Variants in FUT8 observed in about 807,000 individuals in gnomAD.
FUT8 encodes the protein alpha-(1,6)-fucosyltransferase.
In FUT8, 29 loss-of-function variants were observed where a neutral mutation model predicts 71.3. The ratio of observed to expected loss-of-function variants is 0.41; its 90% CI spans 0.30 to 0.55. The LOEUF is 0.55. Among genes scored for constraint, FUT8 ranks in the 20% least tolerant of loss-of-function variants. FUT8 has a pLI of 0.34. For synonymous variants in FUT8, 254 were observed against 239.3 expected (o/e 1.06, Z -0.57); for missense variants, 544 against 702.1 (o/e 0.77, Z 2.55).
intron 3 of FUT8, among the ~76,000 whole-genome samples, chr14:65,606,858 T>G (rs1036145077): frequency 6.6e-6 from 1 of 151,936 alleles, no homozygotes; most frequent in Non-Finnish European, 1.5e-5. Context: ...TAGAATTGTA[T>G]TTAATTTATA....
chr14:65,656,520 A>T (rs1360546488), intron 6 of FUT8, among the ~76,000 whole-genome samples: 1 of 152,238 alleles, frequency 6.6e-6, no homozygotes, highest in African/African-American at 2.4e-5. Flanking sequence ...ATGTTCATGG[A>T]TTGGAAGAAT....
At chr14:65,671,420 A>G (rs566246779) in intron 7 of FUT8, among the ~76,000 whole-genome samples, 55 of 152,284 alleles carry the variant, frequency 3.6e-4, no homozygotes, top group African/African-American at 1.1e-3. Context: ...AGGATGTAGA[A>G]AGCATCCTTT....
At chr14:65,717,169 T>C (rs189708180) in intron 7 of FUT8, among the ~76,000 whole-genome samples, 545 of 18,736 alleles carry the variant, frequency 0.029, no homozygotes, top group Admixed American at 0.04. Flanking sequence ...CAGAGGCGCT[T>C]CTCACCTCCC....
chr14:65,525,605 T>G (rs545374852), intron 2 of FUT8, among the ~76,000 whole-genome samples: 5 of 152,230 alleles, frequency 3.3e-5, no homozygotes, highest in Non-Finnish European at 7.4e-5. Flanking sequence ...TTCTGCTAGC[T>G]TTTGAATGTG....
chr14:65,601,205 A>G (rs1888272141), intron 3 of FUT8, among the ~76,000 whole-genome samples: 1 of 152,212 alleles, frequency 6.6e-6, no homozygotes, highest in Admixed American at 6.5e-5. Context: ...CATTAGGTAA[A>G]ATGGATATGT....
At chr14:65,617,233 A>G (rs1889334383) in intron 5 of FUT8, 1 of 1,474,486 alleles carries the variant, frequency 6.8e-7, no homozygotes, top group Non-Finnish European at 8.9e-7. Flanking sequence ...GCAATATTAT[A>G]ATGATTTTGA....
chr14:65,527,560 A>G (rs990989023), intron 2 of FUT8, among the ~76,000 whole-genome samples: 6 of 151,846 alleles, frequency 4.0e-5, no homozygotes, highest in African/African-American at 1.2e-4. Context: ...TCTTATCTCA[A>G]CTCATCAAAG....
At chr14:65,516,897 T>A (rs1452121336) in intron 2 of FUT8, among the ~76,000 whole-genome samples, 1 of 151,282 alleles carries the variant, frequency 6.6e-6, no homozygotes, top group African/African-American at 2.4e-5. Flanking sequence ...TCCCCTTTAA[T>A]CACTATTCTA....
At position 65,543,151 on chromosome 14, in the gene FUT8, C is replaced by T. The variant is rs116344889; in HGVS notation, c.-227-18186C>T. Among the ~76,000 whole-genome samples, 567 of 152,296 alleles carry T rather than the reference C, an allele frequency of 3.7e-3. 3 individuals are homozygous for T. The highest frequency in any genetic ancestry group is 0.013 in the African/African-American group (542 of 41,560). Reference sequence around the variant, plus strand: ...CTATTAAATGTTGTGTTTAAGGACCCTGCAGCTTATCAAGAGTTGATTTGA... The same window carrying T: ...CTATTAAATGTTGTGTTTAAGGACCTTGCAGCTTATCAAGAGTTGATTTGA... On this transcript the variant is annotated intron_variant, in intron 2 of 10. Transcript: ENST00000673929.
chr14:65,386,014 T>C, the FUT8 span, among the ~76,000 whole-genome samples: 42 of 151,772 alleles, frequency 2.8e-4, no homozygotes, highest in East Asian at 6.7e-3. Context: ...TAGCTGGGCG[T>C]GGTGGCATGT....
chr14:65,451,939 A>T (rs1318475840), intron 1 of FUT8, among the ~76,000 whole-genome samples: 1 of 152,158 alleles, frequency 6.6e-6, no homozygotes, highest in East Asian at 1.9e-4. Flanking sequence ...GAAAACGGAG[A>T]TATAAGCTCT....
Position 65,603,737 on chromosome 14 carries a change from C to T in FUT8, c.204-12241C>T, listed in dbSNP as rs1372401431. Among the ~76,000 whole-genome samples the T allele has an allele frequency of 1.3e-5, 2 of 151,532 alleles. No homozygotes were observed. Among genetic ancestry groups the T allele is most frequent in the African/African-American group, 4.8e-5 (2 of 41,308 alleles). ...CAAGGTATACAGGCAACAGATAGGACGATGAATGGAATAGTACCTCACATC... is the reference window on the plus strand; with the variant it reads ...CAAGGTATACAGGCAACAGATAGGATGATGAATGGAATAGTACCTCACATC... On this transcript the variant is annotated intron_variant, in intron 3 of 10. Coordinates refer to ENST00000673929, the MANE Select transcript of FUT8 (RefSeq NM_001371533.1). The surrounding 1 kb of genome is among the most constrained non-coding windows in gnomAD (Gnocchi z 4.5).
chr14:65,727,519 G>A (rs1895748842), intron 9 of FUT8, among the ~76,000 whole-genome samples: 1 of 152,142 alleles, frequency 6.6e-6, no homozygotes, highest in African/African-American at 2.4e-5. Flanking sequence ...CATGACGGAA[G>A]CAGCTGGGAT....
chr14:65,717,173 A>G (rs1895134539), intron 7 of FUT8, among the ~76,000 whole-genome samples: 1 of 116,654 alleles, frequency 8.6e-6, no homozygotes, highest in Non-Finnish European at 1.7e-5. Context: ...GGCGCTTCTC[A>G]CCTCCCAGAC....
intron 2 of FUT8, among the ~76,000 whole-genome samples, chr14:65,502,706 T>G (rs2066666076): frequency 6.6e-6 from 1 of 152,228 alleles, no homozygotes; most frequent in Non-Finnish European, 1.5e-5. Context: ...TAAAATTGGT[T>G]GCTTATTAGC....
rs535532680 is a variant in FUT8, at chr14:65,650,163, G to A, written c.598-19080G>A. 5.9e-4 allele frequency among the ~76,000 whole-genome samples: 89 copies of A among 152,112 alleles called. 1 individual carries two copies. The highest frequency in any genetic ancestry group is 1.1e-3 in the Non-Finnish European group (76 of 67,960). On this transcript the variant is annotated intron_variant, in intron 6 of 10. Transcript: ENST00000673929. ...TACAAAAAAAAATTAGCCGGGCGTG[G>A]TGGCACGCGCCTGTAATCCCAGCTA...
intron 1 of FUT8, among the ~76,000 whole-genome samples, chr14:65,415,809 A>G (rs561539918): frequency 6.6e-5 from 10 of 151,974 alleles, no homozygotes; most frequent in African/African-American, 2.2e-4. Flanking sequence ...CGTCCAGCTG[A>G]TCTACCAAAT....
At chr14:65,712,856 A>G (rs1894872060) in intron 7 of FUT8, among the ~76,000 whole-genome samples, 1 of 152,256 alleles carries the variant, frequency 6.6e-6, no homozygotes, top group South Asian at 2.1e-4. Flanking sequence ...TAATAATCAC[A>G]TCAGGGTAAA....
At chr14:65,506,404 A>T (rs951748278) in intron 2 of FUT8, among the ~76,000 whole-genome samples, 29 of 152,226 alleles carry the variant, frequency 1.9e-4, no homozygotes, top group African/African-American at 6.3e-4. Context: ...AATTTTGATA[A>T]AGGTTAATTC....
Sources: gnomAD v4.1 joint callset for allele counts (sites outside exome capture counted in the v4.1 genomes callset) on GRCh38, gnomAD v4.1.1 for gene constraint, Gnocchi (gnomAD v3.1) non-coding constraint, MANE v1.5 for transcripts, NCBI Gene and HGNC (gene_info 2026-07-23, HGNC 2026-07-21) for gene names.